RYR2: variants seen among roughly 807,000 people sequenced by gnomAD.
RYR2 encodes cardiac muscle ryanodine receptor-calcium release channel.
A neutral mutation model predicts 601.1 loss-of-function variants in RYR2; 227 were observed. The observed-to-expected ratio is 0.38, with a 90% CI of 0.34 to 0.42. The LOEUF (loss-of-function observed/expected upper bound fraction) is 0.42, where lower values mean the gene tolerates loss of function less well. Among genes scored for constraint, RYR2 ranks in the 10% least tolerant of loss-of-function variants. RYR2 has a pLI of 1.00. For synonymous variants in RYR2, 2,223 were observed against 2,175.1 expected (o/e 1.02, Z -0.61); for missense variants, 4,646 against 6,156.5 (o/e 0.75, Z 8.21).
chr1:237,485,400 A>T (rs1662576868), intron 17 of RYR2, among the ~76,000 whole-genome samples: 1 of 152,204 alleles, frequency 6.6e-6, no homozygotes, highest in South Asian at 2.1e-4. Context: ...AATTAAATCA[A>T]TATCTGCTCT....
At chr1:237,145,708 GT>G (rs1451781220) in intron 1 of RYR2, among the ~76,000 whole-genome samples, 2 of 152,122 alleles carry the variant, frequency 1.3e-5, no homozygotes, top group South Asian at 4.1e-4. Context: ...TAGATGACCA[GT>G]TTTTTGAAAC....
chr1:237,276,256 T>C (rs1690276852), intron 2 of RYR2, among the ~76,000 whole-genome samples: 1 of 152,056 alleles, frequency 6.6e-6, no homozygotes, highest in African/African-American at 2.4e-5. Context: ...CCCACCACCA[T>C]GCCTGGCTAA....
chr1:237,344,776 A>T (rs1162104105), intron 3 of RYR2, among the ~76,000 whole-genome samples: 1 of 152,068 alleles, frequency 6.6e-6, no homozygotes, highest in African/African-American at 2.4e-5. Flanking sequence ...CATTGTCTTG[A>T]TTACTAGTAG....
intron 25 of RYR2, among the ~76,000 whole-genome samples, chr1:237,539,925 T>A (rs1039320027): frequency 1.4e-4 from 21 of 152,116 alleles, no homozygotes; most frequent in Admixed American, 4.6e-4. Flanking sequence ...TAATTTTTTT[T>A]AAATAGCCAA....
chr1:237,493,253 G>T (rs546127908), intron 19 of RYR2, among the ~76,000 whole-genome samples, 166 bp downstream of exon 19: 1 of 151,812 alleles, frequency 6.6e-6, no homozygotes, highest in African/African-American at 2.4e-5. Flanking sequence ...CAATCAGATG[G>T]GCTAATAATA....
chr1:237,173,767 A>G (rs1256318169), intron 1 of RYR2, among the ~76,000 whole-genome samples: 2 of 152,192 alleles, frequency 1.3e-5, no homozygotes, highest in Non-Finnish European at 2.9e-5. Context: ...TAAAAGATTA[A>G]GAGTGTTGGC....
At chr1:237,204,840 T>C (rs928648033) in intron 1 of RYR2, among the ~76,000 whole-genome samples, 5 of 152,174 alleles carry the variant, frequency 3.3e-5, no homozygotes, top group African/African-American at 7.2e-5. Flanking sequence ...TGGTGAGCTG[T>C]AGGGATGTGG....
rs116637564 is a variant in RYR2 at position 237,110,704 on chromosome 1, T to G, written c.48+68135T>G. Reference sequence around the variant, plus strand: ...CTGCTATCTTCCAGGTAGGCACTGTTCCTCTACTCTTCTGCGTCATCTCAG... The same window carrying G: ...CTGCTATCTTCCAGGTAGGCACTGTGCCTCTACTCTTCTGCGTCATCTCAG... On this transcript the variant is annotated intron_variant, in intron 1 of 104. Coordinates refer to ENST00000366574, the MANE Select transcript of RYR2 (RefSeq NM_001035.3). Among the ~76,000 whole-genome samples the G allele has an allele frequency of 8.7e-3, 1,322 of 152,240 alleles. 14 individuals carry two copies. The highest frequency in any genetic ancestry group is 0.029 in the African/African-American group (1,214 of 41,546).
In RYR2 at chr1:237,573,258, G is replaced by A. The variant is rs915861746; in HGVS notation, c.3598+3939G>A. On this transcript the variant is annotated intron_variant, in intron 29 of 104. Coordinates refer to ENST00000366574, the MANE Select transcript of RYR2 (RefSeq NM_001035.3). ...CACACACACACACACACACACACAC[G>A]CATACATATGTATATGTGTGTATGC... Among the ~76,000 whole-genome samples the A allele has an allele frequency of 1.1e-4, 15 of 142,632 alleles. No individual in the cohort carries two copies. In the East Asian group the frequency reaches 3.1e-3, roughly 30 times the overall value. The allele number at this position is 142,632 out of a possible 152,430, so 93.6% of individuals were successfully genotyped here.
chr1:237,342,833 G>A (rs528639019), intron 3 of RYR2, among the ~76,000 whole-genome samples: 17 of 152,280 alleles, frequency 1.1e-4, no homozygotes, highest in African/African-American at 2.4e-4. Context: ...ATATTGCCGC[G>A]CACTGATTTC....
intron 8 of RYR2, 132 bp from the exon 9 acceptor site, chr1:237,387,149 A>T: frequency 1.3e-6 from 1 of 768,680 alleles, no homozygotes; most frequent in Non-Finnish European, 2.3e-6. Context: ...TGATTCTTGA[A>T]TGACAGGTTG....
chr1:237,649,633 T>G (rs1682523463), intron 49 of RYR2, among the ~76,000 whole-genome samples: 1 of 152,214 alleles, frequency 6.6e-6, no homozygotes, highest in Non-Finnish European at 1.5e-5. Flanking sequence ...CCTGTTAAGC[T>G]TTTTGAGGAG....
intron 98 of RYR2, chr1:237,802,177 T>C (rs1247985603): frequency 1.0e-5 from 3 of 288,962 alleles, no homozygotes; most frequent in Non-Finnish European, 1.9e-5. Flanking sequence ...ATTAAGGTTT[T>C]AATTGGACAA....
At chr1:237,578,791 G>T (rs558140742) in intron 29 of RYR2, among the ~76,000 whole-genome samples, 6 of 151,192 alleles carry the variant, frequency 4.0e-5, no homozygotes, top group Non-Finnish European at 7.4e-5. Flanking sequence ...TGGTGGGAGT[G>T]GGGGCATGTA....
chr1:237,755,094 G>A (rs758222093), intron 80 of RYR2: 3 of 1,288,600 alleles, frequency 2.3e-6, no homozygotes, highest in Non-Finnish European at 1.0e-6. Context: ...AAACAAATTT[G>A]CCAGCCTCGG....
intron 89 of RYR2, 130 bp downstream of exon 89, chr1:237,781,776 T>G (rs1695133557): frequency 2.2e-6 from 1 of 463,974 alleles, no homozygotes; most frequent in Admixed American, 3.9e-5. Flanking sequence ...GATTTCTTGC[T>G]GGCTTATTAT....
intron 71 of RYR2, among the ~76,000 whole-genome samples, chr1:237,716,779 C>T (rs911819648): frequency 6.6e-6 from 1 of 151,776 alleles, no homozygotes; most frequent in African/African-American, 2.4e-5. Context: ...CACACACACA[C>T]ACACCATATA....
rs2149079692 is a variant in RYR2 at position 237,711,828 on chromosome 1, G to T, written c.10314G>T (p.Lys3438Asn). ...TCCTTATTACTGATACCAAGTCAAA[G>T]ATGTCAAAGGTATTACTATAAACTG... ...MSFLITDTKS[K>N]MSKAAVSDQE... Residue 3438 changes from lysine (K) to asparagine (N), a missense_variant, in exon 71 of 105, where the codon AAG (lysine) becomes AAT (asparagine). Around this residue, in one of 17 missense-constraint regions of RYR2, gnomAD observed 1,497 missense variants for 1,842.6 expected, o/e 0.81. Transcript: ENST00000366574. The T allele has an allele frequency of 7.1e-7, 1 of 1,399,782 alleles. No individual in the cohort carries two copies. 86.7% of individuals were successfully genotyped at this position (1,399,782 alleles called of 1,614,324 possible).
At chr1:237,654,695 C>T (rs184737092) in intron 52 of RYR2, among the ~76,000 whole-genome samples, 1 of 152,284 alleles carries the variant, frequency 6.6e-6, no homozygotes, top group East Asian at 1.9e-4. Flanking sequence ...GTTTCCGGTG[C>T]ATTTGGACTC....
Sources: gnomAD v4.1 joint callset for allele counts (sites outside exome capture counted in the v4.1 genomes callset) on GRCh38, gnomAD v4.1.1 for gene constraint, gnomAD v4.1.1 regional missense constraint, MANE v1.5 for transcripts, NCBI Gene and HGNC (gene_info 2026-07-23, HGNC 2026-07-21) for gene names.